RYR3: variants seen among roughly 807,000 people sequenced by gnomAD.
The protein encoded by RYR3 is ryanodine receptor 3.
In RYR3, 207 loss-of-function variants were observed where a neutral mutation model predicts 584.3. The observed-to-expected ratio is 0.35, with a 90% confidence interval of 0.32 to 0.40. The LOEUF is 0.40. Ranked by LOEUF, RYR3 falls within the 10% of genes least tolerant of loss-of-function variation. The pLI is 1.00. For missense variants in RYR3, 5,616 were observed against 6,089.2 expected (o/e 0.92, Z 2.59); for synonymous variants, 2,416 against 2,248.5 (o/e 1.07, Z -2.11).
chr15:33,861,001 T>G (rs896360347), intron 101 of RYR3, 77 bp from the exon 102 acceptor site: 4 of 1,128,754 alleles, frequency 3.5e-6, no homozygotes, highest in East Asian at 5.2e-5. Context: ...ATCCTTCAAT[T>G]CGATAGAATC....
At chr15:33,396,994 A>G (rs537736166) in intron 1 of RYR3, among the ~76,000 whole-genome samples, 38 of 152,368 alleles carry the variant, frequency 2.5e-4, no homozygotes, top group Non-Finnish European at 4.9e-4. Context: ...TCTGTAATAA[A>G]GGCAAAAAAT....
At chr15:33,853,765 G>A in intron 96 of RYR3, 83 bp downstream of exon 96, 1 of 1,521,142 alleles carries the variant, frequency 6.6e-7, no homozygotes, top group Non-Finnish European at 8.9e-7. Context: ...TCACAACCGT[G>A]TCTTTGTTCT....
chr15:33,763,896 A>AACAAAAAC (rs1407246825), intron 60 of RYR3, among the ~76,000 whole-genome samples: 3 of 127,014 alleles, frequency 2.4e-5, no homozygotes, highest in African/African-American at 1.0e-4. Flanking sequence ...TCATCTCAAA[A>AACAAAAAC]AAAAAAAAAA....
intron 67 of RYR3, 147 bp from the exon 68 acceptor site, chr15:33,800,623 A>G (rs966586993): frequency 1.2e-5 from 7 of 600,526 alleles, no homozygotes; most frequent in African/African-American, 1.8e-5. Context: ...ATATATTGCT[A>G]TTTAGTCTCC....
intron 43 of RYR3, among the ~76,000 whole-genome samples, chr15:33,710,529 C>A (rs2152791629): frequency 6.6e-6 from 1 of 152,048 alleles, no homozygotes. Context: ...GAGGGTGGCT[C>A]CCCACAGCTC....
At chr15:33,500,487 T>C (rs1596382935) in intron 2 of RYR3, among the ~76,000 whole-genome samples, 1 of 152,210 alleles carries the variant, frequency 6.6e-6, no homozygotes, top group East Asian at 1.9e-4. Context: ...ATAGTGAGGC[T>C]AAGTGAATCC....
chr15:33,400,862 A>C (rs562445306), intron 1 of RYR3, among the ~76,000 whole-genome samples: 4 of 152,228 alleles, frequency 2.6e-5, no homozygotes, highest in Non-Finnish European at 5.9e-5. Context: ...TAAGTATTGC[A>C]GTACCCTTTT....
At chr15:33,669,494 AAG>A in intron 37 of RYR3, 38 bp downstream of exon 37, 1 of 1,565,474 alleles carries the variant, frequency 6.4e-7, no homozygotes, top group Non-Finnish European at 8.8e-7. Flanking sequence ...CTTTTTTTAC[AAG>A]AAGAGTCTGT....
chr15:33,859,568 T>C lies in RYR3; in HGVS notation c.14143-7T>C. Reference sequence around the variant, plus strand: ...TTGCCTAAATCCCCCTTATTTTTCTTCTCTAGTGTTACCTTTTCCACATGT... The same window carrying C: ...TTGCCTAAATCCCCCTTATTTTTCTCCTCTAGTGTTACCTTTTCCACATGT... On this transcript the variant is annotated splice_polypyrimidine_tract_variant and splice_region_variant and intron_variant, in intron 99 of 103. Coordinates refer to ENST00000634891, the MANE Select transcript of RYR3 (RefSeq NM_001036.6). The C allele has an allele frequency of 3.1e-6, 5 of 1,613,842 alleles. No individual in the cohort carries two copies. In the South Asian group the frequency reaches 3.3e-5, roughly 11 times the overall value.
intron 74 of RYR3, among the ~76,000 whole-genome samples, chr15:33,814,223 G>T (rs2076688522): frequency 6.6e-6 from 1 of 152,140 alleles, no homozygotes; most frequent in African/African-American, 2.4e-5. Flanking sequence ...GCCCAGAGTT[G>T]ACCACCCAGA....
chr15:33,661,582 A>G (rs2063167288), intron 34 of RYR3, among the ~76,000 whole-genome samples: 1 of 152,016 alleles, frequency 6.6e-6, no homozygotes, highest in Non-Finnish European at 1.5e-5. Flanking sequence ...GGATGGTTTC[A>G]GGATGAAACT....
At chr15:33,585,632 G>T (rs911169412) in intron 15 of RYR3, among the ~76,000 whole-genome samples, 2 of 152,092 alleles carry the variant, frequency 1.3e-5, no homozygotes, top group Non-Finnish European at 2.9e-5. Context: ...ATAGTAAACT[G>T]GACGTCTTCT....
chr15:33,707,973 T>C (rs2066837681), intron 43 of RYR3, among the ~76,000 whole-genome samples: 2 of 152,216 alleles, frequency 1.3e-5, no homozygotes, highest in African/African-American at 2.4e-5. Context: ...TCTTTTCTCC[T>C]TGTCCTGGTT....
intron 1 of RYR3, among the ~76,000 whole-genome samples, chr15:33,350,413 A>G (rs1333103654): frequency 1.3e-5 from 2 of 152,122 alleles, no homozygotes; most frequent in African/African-American, 4.8e-5. Context: ...AGTGGACCTA[A>G]TAGACATCTA....
intron 2 of RYR3, among the ~76,000 whole-genome samples, chr15:33,484,752 G>A (rs566877930): frequency 6.6e-6 from 1 of 152,294 alleles, no homozygotes; most frequent in South Asian, 2.1e-4. Context: ...GCATATATTG[G>A]AGGAGGGATA....
Position 33,566,293 on chromosome 15 carries a change from C to T in RYR3, c.1147-385C>T, listed in dbSNP as rs1265547482. ...AAATTGTCTGTCTTTTTCTTCAATT[C>T]ATCTCTGGAGGAAAAGGCTTTGAAC... is the stretch of plus-strand genomic sequence containing the variant. On this transcript the variant is annotated intron_variant, in intron 11 of 103. Transcript: ENST00000634891. Among the ~76,000 whole-genome samples, 9 of 152,194 alleles carry T rather than the reference C, an allele frequency of 5.9e-5. No individual in the cohort carries two copies. In the East Asian group the frequency reaches 1.7e-3, roughly 29 times the overall value.
At chr15:33,740,097 C>T in intron 51 of RYR3, 102 bp downstream of exon 51, 1 of 927,204 alleles carries the variant, frequency 1.1e-6, no homozygotes, top group Non-Finnish European at 1.6e-6. Flanking sequence ...TCTTTCCCTC[C>T]TGCCAACACT....
chr15:33,836,143 C>CT (rs2078031214), intron 87 of RYR3, among the ~76,000 whole-genome samples: 1 of 140,576 alleles, frequency 7.1e-6, no homozygotes, highest in Non-Finnish European at 1.5e-5. Context: ...TTCCTTTTTT[C>CT]TTTTCTTTTC....
intron 14 of RYR3, among the ~76,000 whole-genome samples, chr15:33,584,090 T>C (rs1029060608): frequency 6.6e-6 from 1 of 151,702 alleles, no homozygotes; most frequent in African/African-American, 2.4e-5. Flanking sequence ...ACTTAAAAAT[T>C]AGCTGGGCAT....
Sources: gnomAD v4.1 joint callset for allele counts (sites outside exome capture counted in the v4.1 genomes callset) on GRCh38, gnomAD v4.1.1 for gene constraint, MANE v1.5 for transcripts, NCBI Gene and HGNC (gene_info 2026-07-23, HGNC 2026-07-21) for gene names.